Variants in CFAP47 observed in about 807,000 individuals in gnomAD.
CFAP47 encodes cilia- and flagella-associated protein 47.
Under a neutral mutation model 148.1 loss-of-function variants are expected in CFAP47, and 29 were observed. That is an observed-to-expected ratio of 0.20 (90% CI 0.15 to 0.27). The LOEUF (loss-of-function observed/expected upper bound fraction) is 0.27, where lower values mean the gene tolerates loss of function less well. Among genes scored for constraint, CFAP47 ranks in the 10% least tolerant of loss-of-function variants. The pLI, the probability that CFAP47 is intolerant of heterozygous loss-of-function variation, is 1.00. For synonymous variants in CFAP47, 664 were observed against 577.3 expected, an observed-to-expected ratio of 1.15 and a Z score of -2.15; for missense variants, 1,872 against 1,697.5, an observed-to-expected ratio of 1.10 and a Z score of -1.81.
chrX:36,235,202 C>T (rs1940439647), intron 46 of CFAP47, among the ~76,000 whole-genome samples: 1 of 112,032 alleles, frequency 8.9e-6, no homozygotes, highest in Non-Finnish European at 1.9e-5. Context: ...TTTTGTTTGT[C>T]TGTGCCCTGC....
At chrX:35,990,204 A>G (rs1361518174) in intron 16 of CFAP47, 1 of 111,763 alleles carries the variant, frequency 8.9e-6, no homozygotes, top group Non-Finnish European at 1.9e-5. Context: ...TTGAAAATTT[A>G]TTATTCCAAT....
chrX:35,965,204 G>A (rs1336383961), intron 8 of CFAP47, among the ~76,000 whole-genome samples: 2 of 111,511 alleles, frequency 1.8e-5, no homozygotes, highest in Non-Finnish European at 3.8e-5. Context: ...AGCCAATAAA[G>A]TCTCTACTCA....
intron 25 of CFAP47, among the ~76,000 whole-genome samples, chrX:36,042,339 A>G (rs1340152922): frequency 8.9e-6 from 1 of 111,745 alleles, no homozygotes; most frequent in Non-Finnish European, 1.9e-5. Context: ...AAGGATTAGG[A>G]AATAAAACTC....
intron 39 of CFAP47, among the ~76,000 whole-genome samples, chrX:36,161,907 A>G (rs964573258): frequency 3.6e-5 from 4 of 112,089 alleles, no homozygotes; most frequent in African/African-American, 1.3e-4. Flanking sequence ...ATTTAGTGCA[A>G]TTTTATTAAA....
At chrX:36,329,628 A>C in intron 57 of CFAP47, among the ~76,000 whole-genome samples, 1 of 112,389 alleles carries the variant, frequency 8.9e-6, no homozygotes, top group East Asian at 2.8e-4. Context: ...TCAGTTGAAA[A>C]ATATCATTTC....
At chrX:36,065,129 T>A (rs1235525878) in intron 26 of CFAP47, among the ~76,000 whole-genome samples, 4 of 111,575 alleles carry the variant, frequency 3.6e-5, no homozygotes, top group Non-Finnish European at 7.5e-5. Context: ...AGAGAAAAAA[T>A]AATGACTGTA....
intron 57 of CFAP47, among the ~76,000 whole-genome samples, chrX:36,330,377 C>A (rs1556013843): frequency 8.9e-6 from 1 of 111,943 alleles, no homozygotes; most frequent in Non-Finnish European, 1.9e-5. Context: ...TATATTTACA[C>A]ATTCTGAGAC....
chrX:35,979,647 C>G (rs550556687), intron 15 of CFAP47, among the ~76,000 whole-genome samples: 2 of 111,700 alleles, frequency 1.8e-5, no homozygotes, highest in East Asian at 5.7e-4. Flanking sequence ...GCATGCTGTA[C>G]TGATCACATA....
chrX:36,292,592 A>AT (rs1941203979), intron 51 of CFAP47, among the ~76,000 whole-genome samples: 1 of 111,889 alleles, frequency 8.9e-6, no homozygotes, highest in Non-Finnish European at 1.9e-5. Flanking sequence ...TTGAATTGTC[A>AT]TTGACTCAAT....
At chrX:36,358,498 A>T (rs1941802086) in intron 60 of CFAP47, among the ~76,000 whole-genome samples, 1 of 111,995 alleles carries the variant, frequency 8.9e-6, no homozygotes, top group South Asian at 3.8e-4. Flanking sequence ...ATTGTGCCAT[A>T]TGACAAACCT....
chrX:35,926,815 G>T (rs899274529), intron 2 of CFAP47, among the ~76,000 whole-genome samples: 1 of 110,435 alleles, frequency 9.1e-6, no homozygotes, highest in Non-Finnish European at 1.9e-5. Flanking sequence ...CGGATTACAT[G>T]GTATTAGATA....
rs932909135 is a variant in CFAP47 at position 36,199,047 on chromosome X, T to A, written c.6322-1332T>A. Reference sequence around the variant, plus strand: ...TCCTTGCTATAAAAATATGGTAAAGTTTTTCTTAATATCGTCCAAACATCC... The same window carrying A: ...TCCTTGCTATAAAAATATGGTAAAGATTTTCTTAATATCGTCCAAACATCC... On this transcript the variant is annotated intron_variant, in intron 42 of 63. Transcript: ENST00000378653. Among the ~76,000 whole-genome samples the A allele has an allele frequency of 4.5e-5, 5 of 111,974 alleles. No individual in the cohort carries two copies. In the Admixed American group the frequency reaches 4.8e-4, roughly 11 times the overall value.
chrX:35,941,208 A>C, intron 2 of CFAP47, 75 bp from the exon 3 acceptor site: 1 of 531,814 alleles, frequency 1.9e-6, no homozygotes, highest in Non-Finnish European at 3.1e-6. Context: ...GTCCATCTAT[A>C]TTCCCCTACA....
In CFAP47 at chrX:36,243,075, G is replaced by A. The variant is rs373073797; in HGVS notation, c.7332+6216G>A. 4.5e-5 allele frequency among the ~76,000 whole-genome samples: 5 copies of A among 111,364 alleles called. No homozygotes were observed. The East Asian group carries it at 1.4e-3, about 31-fold the overall frequency. On this transcript the variant is annotated intron_variant, in intron 48 of 63. Transcript: ENST00000378653. The stretch of plus-strand genomic sequence containing the variant: ...AGGAAATTCCAACCAAGAATTTTAT[G>A]TCCCACCCAACAAAGCTTCATAAGT...
chrX:36,262,909 T>C (rs1940846645), intron 49 of CFAP47, among the ~76,000 whole-genome samples: 1 of 112,194 alleles, frequency 8.9e-6, no homozygotes, highest in Admixed American at 9.4e-5. Context: ...ATAAGCCATG[T>C]TGCCTGGGGT....
At chrX:36,326,295 C>G (rs1941516891) in intron 57 of CFAP47, among the ~76,000 whole-genome samples, 1 of 98,387 alleles carries the variant, frequency 1.0e-5, no homozygotes, top group Admixed American at 1.1e-4. Context: ...ATCAGCTAGC[C>G]AATTTCCAAA....
At position 36,191,256 on chromosome X, in the gene CFAP47, G is replaced by T. The variant is rs1264846684; in HGVS notation, c.6321+1060G>T. ...GATCAAATACTTTACAGTCACTTTTGTATATTAATTTGTAATATGACCCAA... is the reference window on the plus strand; with the variant it reads ...GATCAAATACTTTACAGTCACTTTTTTATATTAATTTGTAATATGACCCAA... On this transcript the variant is annotated intron_variant, in intron 42 of 63. Coordinates refer to ENST00000378653, the MANE Select transcript of CFAP47 (RefSeq NM_001304548.2). Among the ~76,000 whole-genome samples the T allele has an allele frequency of 4.5e-5, 5 of 111,364 alleles. No homozygotes were observed. In the East Asian group the frequency reaches 1.4e-3, roughly 32 times the overall value.
At chrX:36,096,582 A>G (rs1190263823) in intron 30 of CFAP47, among the ~76,000 whole-genome samples, 1 of 110,909 alleles carries the variant, frequency 9.0e-6, no homozygotes, top group Non-Finnish European at 1.9e-5. Context: ...TGACCCTTTT[A>G]TCATTATATA....
chrX:36,103,501 G>GAA (rs61501194), intron 32 of CFAP47, among the ~76,000 whole-genome samples: 1,148 of 15,042 alleles, frequency 0.076, 240 homozygotes, highest in East Asian at 0.2. Context: ...TCATATGCCA[G>GAA]AAAAAAAAAA....
Sources: gnomAD v4.1 joint callset for allele counts (sites outside exome capture counted in the v4.1 genomes callset) on GRCh38, gnomAD v4.1.1 for gene constraint, MANE v1.5 for transcripts, NCBI Gene and HGNC (gene_info 2026-07-23, HGNC 2026-07-21) for gene names.